KCMF1: variants seen among roughly 807,000 people sequenced by gnomAD.
KCMF1 encodes E3 ubiquitin-protein ligase KCMF1.
A neutral mutation model predicts 41.1 loss-of-function variants in KCMF1; 3 were observed. The observed-to-expected ratio is 0.07, with a 90% CI of 0.03 to 0.19. The LOEUF (loss-of-function observed/expected upper bound fraction) is 0.19, where lower values mean the gene tolerates loss of function less well. Ranked by LOEUF, KCMF1 falls within the 10% of genes least tolerant of loss-of-function variation. The pLI is 1.00. For synonymous variants in KCMF1, 142 were observed against 164.5 expected (o/e 0.86, Z 1.04); for missense variants, 286 against 488.9 (o/e 0.58, Z 3.91).
intron 1 of KCMF1, among the ~76,000 whole-genome samples, chr2:85,019,059 TTAAA>T (rs1337832143): frequency 6.6e-6 from 1 of 152,124 alleles, no homozygotes; most frequent in East Asian, 1.9e-4. Context: ...TTTTAATATC[TTAAA>T]TAGAGTGTAC....
At chr2:85,025,795 A>AT (rs1675088345) in intron 1 of KCMF1, among the ~76,000 whole-genome samples, 1 of 151,862 alleles carries the variant, frequency 6.6e-6, no homozygotes, top group African/African-American at 2.4e-5. Flanking sequence ...AATAAATGAC[A>AT]TATTTTTAAT....
rs550362269 is a variant in KCMF1, at chr2:85,015,743, A to C, written c.17-12146A>C. On this transcript the variant is annotated intron_variant, in intron 1 of 6. Transcript: ENST00000409785. ...AACCAGCTTTAAATCATCTGTAGCC[A>C]CAAAAGAAGTTTTATCACACTTTCC... Among the ~76,000 whole-genome samples the C allele has an allele frequency of 2.8e-3, 428 of 152,356 alleles. 2 individuals are homozygous for C. The highest frequency in any genetic ancestry group is 9.3e-3 in the African/African-American group (388 of 41,590).
At chr2:85,036,350 A>G (rs979987520) in intron 3 of KCMF1, among the ~76,000 whole-genome samples, 3 of 152,220 alleles carry the variant, frequency 2.0e-5, no homozygotes, top group African/African-American at 7.2e-5. Context: ...TTGGTACAGT[A>G]TGAAGAATCC....
rs1354172941 is a variant in KCMF1, at chr2:85,055,598, A to C, written c.*2189A>C. 13 of 152,208 alleles carry C rather than the reference A, an allele frequency of 8.5e-5. 1 individual carries two copies. Among genetic ancestry groups the C allele is most frequent in the Non-Finnish European group, 1.5e-5 (1 of 68,042 alleles). The allele number at this position is 152,208 out of a possible 1,614,324, so 9.4% of individuals were successfully genotyped here. A position where few individuals can be genotyped will look rare whatever the true frequency, so the allele number is the denominator to read the frequency against. On this transcript the variant is annotated 3_prime_UTR_variant, in exon 7 of 7. Coordinates refer to ENST00000409785, the MANE Select transcript of KCMF1 (RefSeq NM_020122.5). The stretch of plus-strand genomic sequence containing the variant: ...CTGTATATTAATTATTTTTTACCAG[A>C]TATTTTACAAATACCTCACCTCATC...
At position 85,014,728 on chromosome 2, in the gene KCMF1, T is replaced by C. The variant is rs567355937; in HGVS notation, c.17-13161T>C. ...GCGCGCGTGCGTGCGTGCGTGCGTG[T>C]GTGTGTGTGTGTGTGTGTGTTTTTA... is the stretch of plus-strand genomic sequence containing the variant. On this transcript the variant is annotated intron_variant, in intron 1 of 6. Transcript: ENST00000409785. Among the ~76,000 whole-genome samples, 377 of 139,574 alleles carry C rather than the reference T, an allele frequency of 2.7e-3. 2 individuals are homozygous for C. The highest frequency in any genetic ancestry group is 5.3e-3 in the South Asian group (24 of 4,512). The allele number at this position is 139,574 out of a possible 152,430, so 91.6% of individuals were successfully genotyped here. A position where few individuals can be genotyped will look rare whatever the true frequency, so the allele number is the denominator to read the frequency against.
chr2:84,992,819 A>T (rs555779372), intron 1 of KCMF1, among the ~76,000 whole-genome samples: 2 of 152,030 alleles, frequency 1.3e-5, no homozygotes, highest in East Asian at 1.9e-4. Context: ...ACGGGGTTTC[A>T]CCGTGTTAGC....
chr2:85,036,625 C>T (rs147213068), intron 3 of KCMF1, among the ~76,000 whole-genome samples: 262 of 152,028 alleles, frequency 1.7e-3, no homozygotes, highest in African/African-American at 4.0e-3. Flanking sequence ...GGGGCCTTGT[C>T]TCCACAAAAT....
rs147617278 is a variant in KCMF1 at position 85,028,307 on chromosome 2, C to T, written c.184+251C>T. On this transcript the variant is annotated intron_variant, in intron 2 of 6. Transcript: ENST00000409785. ...AAGCAATTCCCCTGCCTCAGCCACC[C>T]GAGTAGCTGGGATTACAGGTGCACA... Among the ~76,000 whole-genome samples the T allele has an allele frequency of 2.7e-3, 417 of 151,970 alleles. 3 individuals are homozygous for T. Among genetic ancestry groups the T allele is most frequent in the African/African-American group, 9.7e-3 (400 of 41,432 alleles).
intron 2 of KCMF1, among the ~76,000 whole-genome samples, chr2:85,033,264 C>T (rs1471400831): frequency 2.0e-5 from 3 of 152,166 alleles, no homozygotes; most frequent in African/African-American, 7.2e-5. Context: ...CTCACAAAAG[C>T]TCTCTTAAAT....
intron 1 of KCMF1, among the ~76,000 whole-genome samples, chr2:85,019,120 T>C (rs1674864109): frequency 1.3e-5 from 2 of 152,360 alleles, no homozygotes; most frequent in Admixed American, 6.5e-5. Flanking sequence ...AAGGAATTGA[T>C]AGTTTTACAT....
chr2:85,012,400 T>C (rs1052803635), intron 1 of KCMF1, among the ~76,000 whole-genome samples: 2 of 152,254 alleles, frequency 1.3e-5, no homozygotes, highest in African/African-American at 4.8e-5. Flanking sequence ...AAATTTTGTA[T>C]AATTATACTG....
rs575221301 is a variant in KCMF1 at position 85,032,059 on chromosome 2, G to C, written c.185-2957G>C. On this transcript the variant is annotated intron_variant, in intron 2 of 6. Transcript: ENST00000409785. ...GTTTTTTAAATTTTATTTTTGAATT[G>C]TTCATTGCAACCATATAGACAAACA... Among the ~76,000 whole-genome samples, 34 of 152,144 alleles carry C rather than the reference G, an allele frequency of 2.2e-4. 1 individual carries two copies. In the South Asian group the frequency reaches 6.0e-3, roughly 27 times the overall value.
chr2:85,047,474 A>T (rs554456167), intron 5 of KCMF1, among the ~76,000 whole-genome samples: 2 of 152,300 alleles, frequency 1.3e-5, no homozygotes, highest in South Asian at 4.1e-4. Flanking sequence ...GAAAAGACTA[A>T]AGAATTAAGC....
intron 1 of KCMF1, among the ~76,000 whole-genome samples, chr2:84,977,600 T>C (rs1673583132): frequency 6.6e-6 from 1 of 151,870 alleles, no homozygotes; most frequent in Non-Finnish European, 1.5e-5. Context: ...TTTTTTTCTT[T>C]TTTGTAGAGA....
intron 1 of KCMF1, among the ~76,000 whole-genome samples, chr2:85,012,155 T>G (rs1348274991): frequency 6.6e-6 from 1 of 152,228 alleles, no homozygotes. Context: ...TTTCTTTTTC[T>G]TTTTCATTGA....
chr2:84,982,176 C>T (rs972927908), intron 1 of KCMF1, among the ~76,000 whole-genome samples: 3 of 151,932 alleles, frequency 2.0e-5, no homozygotes, highest in Non-Finnish European at 2.9e-5. Flanking sequence ...TTTTGTGTTA[C>T]GGGTTTTTGT....
At chr2:85,028,141 C>T (rs1675157951) in intron 2 of KCMF1, 85 bp downstream of exon 2, 1 of 784,958 alleles carries the variant, frequency 1.3e-6, no homozygotes, top group Non-Finnish European at 2.0e-6. Flanking sequence ...CTAAAACTCC[C>T]CAGCAGCATA....
At chr2:85,002,321 C>G (rs1041281274) in intron 1 of KCMF1, among the ~76,000 whole-genome samples, 1 of 152,154 alleles carries the variant, frequency 6.6e-6, no homozygotes, top group African/African-American at 2.4e-5. Flanking sequence ...GTCTTTTAAT[C>G]TTTGACCATA....
chr2:84,976,341 G>A (rs1363207818), intron 1 of KCMF1, among the ~76,000 whole-genome samples: 1 of 151,686 alleles, frequency 6.6e-6, no homozygotes, highest in Admixed American at 6.6e-5. Flanking sequence ...CGAGTAGCTC[G>A]GATTATAGGC....
Sources: gnomAD v4.1 joint callset for allele counts (sites outside exome capture counted in the v4.1 genomes callset) on GRCh38, gnomAD v4.1.1 for gene constraint, MANE v1.5 for transcripts, NCBI Gene and HGNC (gene_info 2026-07-23, HGNC 2026-07-21) for gene names.